The following CCDC33 variants were observed in gnomAD, a reference collection of about 807,000 sequenced individuals.
CCDC33 encodes coiled-coil domain-containing protein 33.
CCDC33 carries 94 observed loss-of-function variants against 91.9 expected under a neutral mutation model. That is an observed-to-expected ratio of 1.02 (90% CI 0.87 to 1.21). The LOEUF is 1.21. CCDC33 is among the 50% of genes most tolerant of loss of function. The pLI is 0.00. For missense variants in CCDC33, 940 were observed against 935.5 expected (o/e 1.00, Z -0.06); for synonymous variants, 396 against 374.5 (o/e 1.06, Z -0.66).
At chr15:74,324,949 C>A (rs1395763504) in intron 11 of CCDC33, among the ~76,000 whole-genome samples, 1 of 147,734 alleles carries the variant, frequency 6.8e-6, no homozygotes, top group Admixed American at 6.7e-5. Context: ...TTCTCCCACT[C>A]CTCCCCCTCC....
At chr15:74,208,511 G>A (rs1311110228) in intron 1 of CCDC33, among the ~76,000 whole-genome samples, 2 of 152,064 alleles carry the variant, frequency 1.3e-5, no homozygotes, top group African/African-American at 4.8e-5. Context: ...ACAGGACAGG[G>A]CTCTCCACCA....
intron 10 of CCDC33, among the ~76,000 whole-genome samples, chr15:74,283,549 C>T (rs1450822870): frequency 1.3e-5 from 2 of 152,198 alleles, no homozygotes; most frequent in East Asian, 1.9e-4. Flanking sequence ...TTCCAGCTGG[C>T]GGCCTCACTA....
chr15:74,277,504 AG>A (rs767460799), intron 7 of CCDC33, among the ~76,000 whole-genome samples: 2 of 152,190 alleles, frequency 1.3e-5, no homozygotes, highest in African/African-American at 2.4e-5. Context: ...ATCACAGCTG[AG>A]GGTTAATGAC....
intron 2 of CCDC33, among the ~76,000 whole-genome samples, chr15:74,256,838 G>C (rs2075881022): frequency 6.6e-6 from 1 of 152,232 alleles, no homozygotes; most frequent in Non-Finnish European, 1.5e-5. Context: ...AGCTCTGTGG[G>C]CTGTGGCTTT....
intron 5 of CCDC33, among the ~76,000 whole-genome samples, chr15:74,269,296 C>T (rs1304683823): frequency 6.6e-6 from 1 of 151,774 alleles, no homozygotes; most frequent in Non-Finnish European, 1.5e-5. Flanking sequence ...CTGATCTGTT[C>T]CTATCCTTCC....
At chr15:74,306,207 T>C (rs975793215) in intron 11 of CCDC33, among the ~76,000 whole-genome samples, 8 of 152,076 alleles carry the variant, frequency 5.3e-5, no homozygotes, top group African/African-American at 1.2e-4. Flanking sequence ...GAAGTCCCAA[T>C]TGAGCAGGGA....
chr15:74,215,409 G>A (rs2074415514), upstream of CCDC33, among the ~76,000 whole-genome samples: 1 of 152,282 alleles, frequency 6.6e-6, no homozygotes, highest in African/African-American at 2.4e-5. Context: ...AATGGGTGTA[G>A]AGTTTCAGTT....
At chr15:74,330,413 T>C in intron 12 of CCDC33, 59 bp downstream of exon 12, 1 of 1,484,548 alleles carries the variant, frequency 6.7e-7, no homozygotes, top group Non-Finnish European at 9.0e-7. Flanking sequence ...AGGCTCCAGG[T>C]TGTGCAATAG....
chr15:74,273,006 A>G (rs1487126905), intron 7 of CCDC33, 115 bp downstream of exon 7: 2 of 1,335,722 alleles, frequency 1.5e-6, no homozygotes, highest in Non-Finnish European at 2.1e-6. Flanking sequence ...AGTTGACTGA[A>G]TCCCACGGCA....
intron 17 of CCDC33, among the ~76,000 whole-genome samples, 171 bp from the exon 18 acceptor site, chr15:74,334,804 G>A (rs1327730964): frequency 6.6e-6 from 1 of 152,082 alleles, no homozygotes; most frequent in African/African-American, 2.4e-5. Context: ...TGACTGTTTG[G>A]CCCCCTCACC....
chr15:74,308,358 G>GACACACAC (rs3057604), intron 11 of CCDC33, among the ~76,000 whole-genome samples: 1 of 145,902 alleles, frequency 6.9e-6, no homozygotes, highest in Non-Finnish European at 1.5e-5. Flanking sequence ...CAGACAGACA[G>GACACACAC]ACACACACAC....
chr15:74,287,429 A>C (rs943809135), intron 10 of CCDC33, among the ~76,000 whole-genome samples: 5 of 152,286 alleles, frequency 3.3e-5, no homozygotes, highest in Admixed American at 2.0e-4. Flanking sequence ...GAGGAGACAG[A>C]TCCACCCCTT....
upstream of CCDC33, among the ~76,000 whole-genome samples, chr15:74,232,439 C>G (rs896858840): frequency 2.0e-5 from 3 of 152,176 alleles, no homozygotes; most frequent in Non-Finnish European, 1.5e-5. Context: ...ATGACCATAA[C>G]CTGGAAAGGC....
intron 11 of CCDC33, among the ~76,000 whole-genome samples, chr15:74,313,415 CTTTTTT>C (rs35519774): frequency 1.1e-5 from 1 of 94,180 alleles, no homozygotes; most frequent in Admixed American, 1.3e-4. Flanking sequence ...TTCTTTCTTT[CTTTTTT>C]TTTTTTTTTT....
At chr15:74,255,392 C>A (rs887505630) in intron 2 of CCDC33, among the ~76,000 whole-genome samples, 9 of 152,236 alleles carry the variant, frequency 5.9e-5, no homozygotes, top group Non-Finnish European at 1.3e-4. Flanking sequence ...GCAAGCCTGG[C>A]CTGGGAATGC....
intron 2 of CCDC33, among the ~76,000 whole-genome samples, chr15:74,222,344 G>T (rs1291353932): frequency 6.6e-6 from 1 of 152,038 alleles, no homozygotes; most frequent in Admixed American, 6.6e-5. Flanking sequence ...GGGCTCCCTC[G>T]CTAGAAGGCC....
chr15:74,291,195 C>T (rs933109378), intron 10 of CCDC33, among the ~76,000 whole-genome samples: 2 of 152,234 alleles, frequency 1.3e-5, no homozygotes, highest in Admixed American at 1.3e-4. Flanking sequence ...ATGAGGCTCG[C>T]TGTATGCAGG....
Position 74,204,940 on chromosome 15 carries a change from A to AGAAAGAAAG in CCDC33, n.89+1842_89+1843insGAAAGAAAG, listed in dbSNP as rs10647648. Among the ~76,000 whole-genome samples, 786 of 151,730 alleles carry AGAAAGAAAG rather than the reference A, an allele frequency of 5.2e-3. 2 individuals are homozygous for AGAAAGAAAG. The highest frequency in any genetic ancestry group is 0.012 in the East Asian group (63 of 5,156). ...AAAGAGGCAAACTCCATCTCAAAAA[A>AGAAAGAAAG]AAAGAAAGAAAGAAAGAAAAGAAAC... On this transcript the variant is annotated intron_variant and non_coding_transcript_variant, in intron 1 of 3. Transcript: ENST00000558645.
intron 11 of CCDC33, among the ~76,000 whole-genome samples, chr15:74,314,868 C>T (rs1007645175): frequency 1.8e-4 from 27 of 152,200 alleles, no homozygotes; most frequent in Non-Finnish European, 3.1e-4. Context: ...GCACAGAACC[C>T]CAGGTGCCAA....
Sources: allele counts gnomAD v4.1 joint callset (sites outside exome capture counted in the v4.1 genomes callset), GRCh38; gene constraint gnomAD v4.1.1; transcripts MANE v1.5; gene names NCBI Gene and HGNC (gene_info 2026-07-23, HGNC 2026-07-21).